SLIT2: variants seen among roughly 807,000 people sequenced by gnomAD.
SLIT2 encodes the protein slit guidance ligand 2.
A neutral mutation model predicts 185.7 loss-of-function variants in SLIT2; 41 were observed. The observed-to-expected ratio is 0.22, with a 90% CI of 0.17 to 0.29. The LOEUF (loss-of-function observed/expected upper bound fraction) is 0.29, where lower values mean the gene tolerates loss of function less well. Among genes scored for constraint, SLIT2 ranks in the 10% least tolerant of loss-of-function variants. The pLI is 1.00. For synonymous variants in SLIT2, 693 were observed against 680.2 expected, an observed-to-expected ratio of 1.02 and a Z score of -0.29; for missense variants, 1,571 against 1,909.0, an observed-to-expected ratio of 0.82 and a Z score of 3.30.
intron 4 of SLIT2, among the ~76,000 whole-genome samples, chr4:20,463,893 A>T (rs1560445172): frequency 6.7e-6 from 1 of 149,328 alleles, no homozygotes; most frequent in East Asian, 2.0e-4. Context: ...AAAAAAAAAA[A>T]TTTCAAAACC....
rs539293425 is a variant in SLIT2, at chr4:20,498,341, A to G, written c.914+6442A>G. On this transcript the variant is annotated intron_variant, in intron 9 of 36. Transcript: ENST00000504154. Reference sequence around the variant, plus strand: ...TCCCAGCACTTTGCTGCGTTGAACTATGCTAGTTGAAAACCTTATTCTTCA... The same window carrying G: ...TCCCAGCACTTTGCTGCGTTGAACTGTGCTAGTTGAAAACCTTATTCTTCA... Among the ~76,000 whole-genome samples the G allele has an allele frequency of 1.2e-3, 177 of 152,356 alleles. 1 individual carries two copies. The highest frequency in any genetic ancestry group is 3.9e-3 in the African/African-American group (163 of 41,592).
At chr4:20,341,729 C>T (rs1011131661) in intron 4 of SLIT2, among the ~76,000 whole-genome samples, 2 of 152,172 alleles carry the variant, frequency 1.3e-5, no homozygotes, top group African/African-American at 4.8e-5. Flanking sequence ...TTGACAGATA[C>T]AAGTTTTAGA....
At chr4:20,500,877 A>G (rs1718670367) in intron 9 of SLIT2, among the ~76,000 whole-genome samples, 2 of 152,198 alleles carry the variant, frequency 1.3e-5, no homozygotes, top group Admixed American at 1.3e-4. Context: ...TCTCCTATGT[A>G]CTATGAAAGT....
chr4:20,441,833 T>A (rs1376840626), intron 4 of SLIT2, among the ~76,000 whole-genome samples: 1 of 152,150 alleles, frequency 6.6e-6, no homozygotes, highest in African/African-American at 2.4e-5. Flanking sequence ...ACCATTTTAT[T>A]CTCACTCTAT....
At chr4:20,357,135 C>A (rs1361852555) in intron 4 of SLIT2, among the ~76,000 whole-genome samples, 1 of 152,040 alleles carries the variant, frequency 6.6e-6, no homozygotes, top group Non-Finnish European at 1.5e-5. Flanking sequence ...GTCTTTCAGC[C>A]TGGAAATTGT....
intron 4 of SLIT2, among the ~76,000 whole-genome samples, chr4:20,414,937 G>A (rs1727536876): frequency 6.6e-6 from 1 of 152,022 alleles, no homozygotes; most frequent in African/African-American, 2.4e-5. Context: ...GAAGTTTTCA[G>A]CCAGTATTTA....
At chr4:20,260,093 T>C (rs1712284527) in intron 3 of SLIT2, among the ~76,000 whole-genome samples, 1 of 151,900 alleles carries the variant, frequency 6.6e-6, no homozygotes, top group Non-Finnish European at 1.5e-5. Context: ...TGAAACAAAC[T>C]ATTTTAAATT....
chr4:20,452,457 G>T (rs539910219), intron 4 of SLIT2, among the ~76,000 whole-genome samples: 7 of 152,202 alleles, frequency 4.6e-5, no homozygotes, highest in Admixed American at 3.3e-4. Context: ...GAAATAAAAT[G>T]GACAGTTTCA....
chr4:20,581,031 G>A (rs774483626), intron 29 of SLIT2, among the ~76,000 whole-genome samples: 39 of 152,178 alleles, frequency 2.6e-4, no homozygotes, highest in Non-Finnish European at 4.6e-4. Flanking sequence ...CCAGTGATTT[G>A]GAATTTACTA....
intron 9 of SLIT2, among the ~76,000 whole-genome samples, chr4:20,505,765 A>G (rs192420500): frequency 6.6e-6 from 1 of 152,052 alleles, no homozygotes; most frequent in East Asian, 1.9e-4. Flanking sequence ...AAGCAGAGGG[A>G]TATTTCACCA....
At chr4:20,309,496 G>A (rs1278543173) in intron 4 of SLIT2, among the ~76,000 whole-genome samples, 1 of 149,336 alleles carries the variant, frequency 6.7e-6, no homozygotes, top group East Asian at 2.0e-4. Context: ...CTTTTCCTCT[G>A]TCTTCAAATA....
chr4:20,261,246 A>C (rs1490504234), intron 3 of SLIT2, among the ~76,000 whole-genome samples: 1 of 151,828 alleles, frequency 6.6e-6, no homozygotes, highest in Non-Finnish European at 1.5e-5. Flanking sequence ...AAAATTTTCA[A>C]ATGAAATGTA....
At chr4:20,255,217 G>A (rs1711681211) in intron 1 of SLIT2, 2 of 362,854 alleles carry the variant, frequency 5.5e-6, no homozygotes, top group Non-Finnish European at 5.4e-6. Context: ...TGGAGAGGAG[G>A]CGCTCTGACC....
chr4:20,345,522 CT>C (rs1721317641), intron 4 of SLIT2, among the ~76,000 whole-genome samples: 1 of 141,892 alleles, frequency 7.0e-6, no homozygotes, highest in Admixed American at 7.0e-5. Flanking sequence ...TTTTCTTTTT[CT>C]TTTTTCCTTT....
At chr4:20,373,292 C>T (rs763238328) in intron 4 of SLIT2, among the ~76,000 whole-genome samples, 40 of 152,110 alleles carry the variant, frequency 2.6e-4, no homozygotes, top group Admixed American at 1.2e-3. Context: ...TCAATTTCTC[C>T]GCATTTCAAT....
chr4:20,379,132 AG>A (rs1168056192), intron 4 of SLIT2, among the ~76,000 whole-genome samples: 9 of 152,142 alleles, frequency 5.9e-5, no homozygotes, highest in African/African-American at 1.7e-4. Context: ...CAACACTAAA[AG>A]TGATTCCTAA....
chr4:20,360,630 A>G (rs1439116216), intron 4 of SLIT2, among the ~76,000 whole-genome samples: 2 of 152,264 alleles, frequency 1.3e-5, no homozygotes, highest in East Asian at 1.9e-4. Context: ...GGTATACGTT[A>G]AAATTGTGAA....
intron 4 of SLIT2, among the ~76,000 whole-genome samples, chr4:20,395,314 A>G (rs1725805002): frequency 6.6e-6 from 1 of 151,984 alleles, no homozygotes. Flanking sequence ...ATGGAAAGGA[A>G]TGTGGTTAGG....
At chr4:20,545,410 TAAG>T (rs1723159316) in intron 21 of SLIT2, among the ~76,000 whole-genome samples, 1 of 151,838 alleles carries the variant, frequency 6.6e-6, no homozygotes, top group Non-Finnish European at 1.5e-5. Flanking sequence ...CTGACTCTAA[TAAG>T]AAGGGAAAGT....
Sources: gnomAD v4.1 joint callset for allele counts (sites outside exome capture counted in the v4.1 genomes callset) on GRCh38, gnomAD v4.1.1 for gene constraint, MANE v1.5 for transcripts, NCBI Gene and HGNC (gene_info 2026-07-23, HGNC 2026-07-21) for gene names.